The following TOP6BL variants were observed in gnomAD, a reference collection of about 807,000 sequenced individuals.
TOP6BL encodes TOP6B like initiator of meiotic double strand breaks.
At chr11:66,781,198 G>A in the TOP6BL span, among the ~76,000 whole-genome samples, 1 of 151,702 alleles carries the variant, frequency 6.6e-6, no homozygotes, top group Non-Finnish European at 1.5e-5. Context: ...ATTTTAGACT[G>A]GTTGATATTT....
chr11:66,843,402 C>T, the TOP6BL span: 51 of 1,426,172 alleles, frequency 3.6e-5, no homozygotes, highest in Non-Finnish European at 4.5e-5. Flanking sequence ...GGCCTGACGT[C>T]ACCCACACCT....
At chr11:66,829,773 C>T in the TOP6BL span, among the ~76,000 whole-genome samples, 2 of 152,186 alleles carry the variant, frequency 1.3e-5, no homozygotes, top group East Asian at 3.9e-4. Flanking sequence ...CCTGTAGTCC[C>T]AGCTACTCGG....
the TOP6BL span, chr11:66,800,586 T>G: frequency 7.0e-7 from 1 of 1,424,428 alleles, no homozygotes; most frequent in Non-Finnish European, 9.6e-7. Flanking sequence ...TATGGAAGTT[T>G]TTAATCTGTA....
At chr11:66,823,294 CAAA>C in the TOP6BL span, among the ~76,000 whole-genome samples, 7 of 41,276 alleles carry the variant, frequency 1.7e-4, no homozygotes, top group Admixed American at 4.6e-4. Flanking sequence ...GACTCCACCT[CAAA>C]AAAAAAAAAA....
At chr11:66,785,110 C>T in the TOP6BL span, among the ~76,000 whole-genome samples, 8 of 151,902 alleles carry the variant, frequency 5.3e-5, no homozygotes, top group Admixed American at 2.0e-4. Flanking sequence ...CATTCACCAC[C>T]ATGCCCGGCT....
At chr11:66,819,711 T>C in the TOP6BL span, among the ~76,000 whole-genome samples, 1 of 152,052 alleles carries the variant, frequency 6.6e-6, no homozygotes, top group African/African-American at 2.4e-5. Flanking sequence ...GAGACCAGTC[T>C]GGCCAACATG....
At chr11:66,786,725 A>T in the TOP6BL span, among the ~76,000 whole-genome samples, 1 of 152,178 alleles carries the variant, frequency 6.6e-6, no homozygotes, top group African/African-American at 2.4e-5. Context: ...ATCACAGAAA[A>T]GGGGGGTTGC....
the TOP6BL span, among the ~76,000 whole-genome samples, chr11:66,747,256 C>G: frequency 6.6e-6 from 1 of 152,096 alleles, no homozygotes; most frequent in Non-Finnish European, 1.5e-5. Context: ...TTTACCCAGA[C>G]ATCTTGGAGT....
the TOP6BL span, among the ~76,000 whole-genome samples, chr11:66,767,393 C>G: frequency 6.6e-6 from 1 of 152,148 alleles, no homozygotes; most frequent in Non-Finnish European, 1.5e-5. Flanking sequence ...AGCTCTGCTT[C>G]CTATTATGTC....
the TOP6BL span, among the ~76,000 whole-genome samples, chr11:66,825,478 C>T: frequency 6.2e-4 from 92 of 148,976 alleles, no homozygotes; most frequent in South Asian, 9.5e-3. Flanking sequence ...GTGACAAGTG[C>T]GAAACTCTGT....
At chr11:66,843,021 C>G in the TOP6BL span, 1 of 1,553,730 alleles carries the variant, frequency 6.4e-7, no homozygotes, top group Non-Finnish European at 8.7e-7. Flanking sequence ...GCGAGGCTCA[C>G]GGCAGGGCCC....
At chr11:66,816,113 C>T in the TOP6BL span, 1 of 1,605,494 alleles carries the variant, frequency 6.2e-7, no homozygotes, top group Non-Finnish European at 8.5e-7. Context: ...CAGTCTCAGA[C>T]TATGGATCCT....
chr11:66,837,707 A>C, the TOP6BL span, among the ~76,000 whole-genome samples: 4 of 152,076 alleles, frequency 2.6e-5, no homozygotes, highest in African/African-American at 7.2e-5. Context: ...GGCCTCCCAA[A>C]GTGCTGGGAT....
chr11:66,751,298 G>A, the TOP6BL span, among the ~76,000 whole-genome samples: 3 of 152,010 alleles, frequency 2.0e-5, no homozygotes, highest in East Asian at 5.8e-4. Context: ...AGATTCAAGC[G>A]ATTCTCCTTT....
the TOP6BL span, among the ~76,000 whole-genome samples, chr11:66,759,688 A>G: frequency 6.6e-6 from 1 of 152,060 alleles, no homozygotes; most frequent in Non-Finnish European, 1.5e-5. Context: ...GGTTCAAGCA[A>G]TTCTCCTGCC....
chr11:66,758,946 T>A, the TOP6BL span: 1 of 763,706 alleles, frequency 1.3e-6, no homozygotes, highest in Non-Finnish European at 2.0e-6. Context: ...TTTTAAATGT[T>A]CTGTGTCTGT....
chr11:66,828,208 T>G, the TOP6BL span: 2 of 1,237,396 alleles, frequency 1.6e-6, no homozygotes, highest in Non-Finnish European at 2.4e-6. Context: ...CTGTGAGAAC[T>G]TTCCCCCTTG....
chr11:66,839,969 G>A, the TOP6BL span, among the ~76,000 whole-genome samples: 1 of 152,114 alleles, frequency 6.6e-6, no homozygotes, highest in African/African-American at 2.4e-5. Context: ...TTAGCAGGAG[G>A]TAATGACTTT....
chr11:66,816,211 A>AGAAT, the TOP6BL span: 7 of 1,603,370 alleles, frequency 4.4e-6, no homozygotes, highest in Non-Finnish European at 6.0e-6. Flanking sequence ...TAAGTATAAG[A>AGAAT]GAATGGGGTT....
Sources: gnomAD v4.1 joint callset for allele counts (sites outside exome capture counted in the v4.1 genomes callset) on GRCh38, gnomAD v4.1.1 for gene constraint, MANE v1.5 for transcripts, NCBI Gene and HGNC (gene_info 2026-07-23, HGNC 2026-07-21) for gene names.